The following KIAA1549L variants were observed in gnomAD, a reference collection of about 807,000 sequenced individuals.
The protein encoded by KIAA1549L is UPF0606 protein KIAA1549L.
A neutral mutation model predicts 160.7 loss-of-function variants in KIAA1549L; 88 were observed. The ratio of observed to expected loss-of-function variants is 0.55; its 90% CI spans 0.46 to 0.65. The LOEUF (loss-of-function observed/expected upper bound fraction) is 0.65, where lower values mean the gene tolerates loss of function less well. Ranked by LOEUF, KIAA1549L falls within the 30% of genes least tolerant of loss-of-function variation. The pLI is 0.00. For missense variants in KIAA1549L, 2,258 were observed against 2,437.5 expected, an observed-to-expected ratio of 0.93 and a Z score of 1.55; for synonymous variants, 950 against 976.7, an observed-to-expected ratio of 0.97 and a Z score of 0.51.
intron 1 of KIAA1549L, among the ~76,000 whole-genome samples, chr11:33,496,340 A>G (rs1208564386): frequency 6.6e-6 from 1 of 152,268 alleles, no homozygotes; most frequent in South Asian, 2.1e-4. Context: ...GATAATATCT[A>G]TGAAGGTAGG....
chr11:33,673,351 A>G lies in KIAA1549L; in HGVS notation c.*5197A>G, dbSNP rs1470327254. 6.6e-6 allele frequency: 1 copy of G among 152,232 alleles called. No homozygotes were observed. The highest frequency in any genetic ancestry group is 1.9e-4 in the East Asian group (1 of 5,202). 9.4% of individuals were successfully genotyped at this position (152,232 alleles called of 1,614,324 possible). A position where few individuals can be genotyped will look rare whatever the true frequency, so the allele number is the denominator to read the frequency against. ...GAGAGAGGCCATCAACATATTTTAC[A>G]TAAATTACTGTGGCCCCATCTTATT... On this transcript the variant is annotated 3_prime_UTR_variant, in exon 21 of 21. Coordinates refer to ENST00000658780, the MANE Select transcript of KIAA1549L (RefSeq NM_012194.3).
At chr11:33,415,707 C>G (rs1167664698) in intron 1 of KIAA1549L, among the ~76,000 whole-genome samples, 2 of 151,996 alleles carry the variant, frequency 1.3e-5, no homozygotes, top group South Asian at 2.1e-4. Context: ...AAGATGGGAC[C>G]CTTATATCCT....
At chr11:33,436,852 C>G (rs1256988993) in intron 1 of KIAA1549L, among the ~76,000 whole-genome samples, 1 of 152,168 alleles carries the variant, frequency 6.6e-6, no homozygotes, top group Non-Finnish European at 1.5e-5. Flanking sequence ...GAGTCCAGTA[C>G]TGGGCTAAGG....
At chr11:33,522,067 A>C (rs1315116132) in intron 1 of KIAA1549L, among the ~76,000 whole-genome samples, 1 of 152,246 alleles carries the variant, frequency 6.6e-6, no homozygotes, top group African/African-American at 2.4e-5. Flanking sequence ...TGCTATTTTG[A>C]TATGACTATA....
In KIAA1549L at chr11:33,435,834, A is replaced by G. The variant is rs571914944; in HGVS notation, c.238+58945A>G. ...TATGTGTGTGTATATATATATATGT[A>G]TATGTATATGTGTGTGTGTGTGTGT... On this transcript the variant is annotated intron_variant, in intron 1 of 20. Coordinates refer to ENST00000658780, the MANE Select transcript of KIAA1549L (RefSeq NM_012194.3). Among the ~76,000 whole-genome samples the G allele has an allele frequency of 2.1e-3, 133 of 62,464 alleles. 22 individuals carry two copies. Among genetic ancestry groups the G allele is most frequent in the African/African-American group, 0.01 (123 of 12,174 alleles). 41.0% of individuals were successfully genotyped at this position (62,464 alleles called of 152,430 possible).
intron 1 of KIAA1549L, among the ~76,000 whole-genome samples, chr11:33,523,806 TAC>T (rs1167987445): frequency 3.3e-5 from 5 of 152,244 alleles, no homozygotes; most frequent in African/African-American, 7.2e-5. Flanking sequence ...TTATTAAATG[TAC>T]ACACATAATT....
At chr11:33,604,532 C>CAATTGCAAA (rs1850447209) in intron 13 of KIAA1549L, among the ~76,000 whole-genome samples, 1 of 152,142 alleles carries the variant, frequency 6.6e-6, no homozygotes. Flanking sequence ...GCACAATTCA[C>CAATTGCAAA]AATTGCAAAG....
At chr11:33,620,927 C>T (rs1001775891) in intron 16 of KIAA1549L, among the ~76,000 whole-genome samples, 7 of 152,090 alleles carry the variant, frequency 4.6e-5, no homozygotes, top group Admixed American at 6.5e-5. Flanking sequence ...ATTACCAGAG[C>T]GCTTCTGGCA....
intron 1 of KIAA1549L, among the ~76,000 whole-genome samples, chr11:33,444,478 G>A (rs1851571027): frequency 6.6e-6 from 1 of 152,116 alleles, no homozygotes; most frequent in African/African-American, 2.4e-5. Flanking sequence ...AGAGGCACTG[G>A]TAATTGGTGT....
rs553814703 is a variant in KIAA1549L at position 33,634,946 on chromosome 11, A to T, written c.5410-10740A>T. Reference sequence around the variant, plus strand: ...TGAAATTTGAAATTTTGCTGAAAAAATTTTTTTTAATTCCATTTGCACGCC... The same window carrying T: ...TGAAATTTGAAATTTTGCTGAAAAATTTTTTTTTAATTCCATTTGCACGCC... On this transcript the variant is annotated intron_variant, in intron 16 of 20. Transcript: ENST00000658780. 2.9e-4 allele frequency among the ~76,000 whole-genome samples: 44 copies of T among 152,016 alleles called. No homozygotes were observed. The Middle Eastern group carries it at 0.01, about 35-fold the overall frequency.
chr11:33,612,269 T>C (rs1485282456), intron 15 of KIAA1549L, among the ~76,000 whole-genome samples: 3 of 152,226 alleles, frequency 2.0e-5, no homozygotes, highest in African/African-American at 7.2e-5. Flanking sequence ...GCTGACTGTT[T>C]ATCTGCTATC....
intron 12 of KIAA1549L, among the ~76,000 whole-genome samples, chr11:33,592,792 A>G (rs1425999038): frequency 1.3e-5 from 2 of 152,248 alleles, no homozygotes; most frequent in African/African-American, 4.8e-5. Flanking sequence ...TATTTTAGCT[A>G]GGAAGCTAGG....
intron 1 of KIAA1549L, among the ~76,000 whole-genome samples, chr11:33,530,346 G>A (rs1479089981): frequency 1.4e-5 from 2 of 147,762 alleles, no homozygotes; most frequent in African/African-American, 5.0e-5. Flanking sequence ...AGCTTGCAGT[G>A]AACCGAGTTT....
chr11:33,583,930 A>G (rs781079537), intron 11 of KIAA1549L, among the ~76,000 whole-genome samples: 10 of 152,330 alleles, frequency 6.6e-5, no homozygotes, highest in Non-Finnish European at 1.2e-4. Context: ...AAGGTCTGCT[A>G]TGTTCTGAAC....
At chr11:33,473,095 T>C (rs1386420210) in intron 1 of KIAA1549L, among the ~76,000 whole-genome samples, 1 of 152,250 alleles carries the variant, frequency 6.6e-6, no homozygotes, top group Non-Finnish European at 1.5e-5. Context: ...GTGTCTGTAC[T>C]TCAGACTTGG....
At chr11:33,452,825 C>T (rs1851748872) in intron 1 of KIAA1549L, among the ~76,000 whole-genome samples, 1 of 152,118 alleles carries the variant, frequency 6.6e-6, no homozygotes, top group Non-Finnish European at 1.5e-5. Context: ...TTCCTGTTTG[C>T]AAGGACCTGG....
chr11:33,667,426 T>TCGA (rs1852504966), intron 20 of KIAA1549L, among the ~76,000 whole-genome samples: 1 of 151,712 alleles, frequency 6.6e-6, no homozygotes, highest in Admixed American at 6.6e-5. Context: ...GGAGTCTCAC[T>TCGA]CTGTCGCCCA....
chr11:33,485,229 C>G (rs992503325), intron 1 of KIAA1549L, among the ~76,000 whole-genome samples: 2 of 152,204 alleles, frequency 1.3e-5, no homozygotes, highest in Non-Finnish European at 2.9e-5. Context: ...CAACTTGCCC[C>G]TTTCGAGTCC....
In KIAA1549L at chr11:33,545,046, C is replaced by A. The variant is rs529159756; in HGVS notation, c.3053C>A (p.Thr1018Asn). ...PTYMYARTGH[T>N]TSTHTAMQGN... ...TACATGTATGCAAGAACAGGACATA[C>A]CACGAGCACACATACAGCCATGCAA... Residue 1018 changes from threonine to asparagine, a missense_variant, in exon 3 of 21, where the codon ACC (threonine) becomes AAC (asparagine). By Grantham distance (65) the Thr-to-Asn change is moderately conservative (BLOSUM62 0). This residue lies in a region of KIAA1549L where 1,359 missense variants were observed against 1,546.6 expected (regional missense o/e 0.88). Transcript: ENST00000658780. 9 of 1,614,026 alleles carry A rather than the reference C, an allele frequency of 5.6e-6. No individual in the cohort carries two copies. The Admixed American group carries it at 1.2e-4, about 21-fold the overall frequency.
Sources: allele counts gnomAD v4.1 joint callset (sites outside exome capture counted in the v4.1 genomes callset), GRCh38; gene constraint gnomAD v4.1.1; regional missense constraint gnomAD v4.1.1; transcripts MANE v1.5; gene names NCBI Gene and HGNC (gene_info 2026-07-23, HGNC 2026-07-21).